The following LHFPL3 variants were observed in gnomAD, a reference collection of about 807,000 sequenced individuals.
LHFPL3 encodes LHFPL tetraspan subfamily member 3 protein.
A neutral mutation model predicts 19.3 loss-of-function variants in LHFPL3; 5 were observed. The observed-to-expected ratio is 0.26, with a 90% CI of 0.14 to 0.54. The LOEUF is 0.54. Ranked by LOEUF, LHFPL3 falls within the 20% of genes least tolerant of loss-of-function variation. The pLI, the probability that LHFPL3 is intolerant of heterozygous loss-of-function variation, is 0.94. For synonymous variants in LHFPL3, 133 were observed against 126.2 expected (o/e 1.05, Z -0.36); for missense variants, 249 against 307.4 (o/e 0.81, Z 1.42).
chr7:104,723,380 C>T (rs1261735482), intron 1 of LHFPL3, among the ~76,000 whole-genome samples: 5 of 152,190 alleles, frequency 3.3e-5, no homozygotes, highest in African/African-American at 1.2e-4. Flanking sequence ...TTCATCACTT[C>T]TCTGCTCACC....
intron 1 of LHFPL3, among the ~76,000 whole-genome samples, chr7:104,707,617 T>G (rs1793216161): frequency 6.6e-6 from 1 of 151,942 alleles, no homozygotes; most frequent in African/African-American, 2.4e-5. Flanking sequence ...ACGTGAGGAG[T>G]TTTAAATAGA....
intron 1 of LHFPL3, among the ~76,000 whole-genome samples, chr7:104,417,874 TCTTCTTCTTC>T (rs1562890974): frequency 2.3e-5 from 3 of 128,868 alleles, no homozygotes; most frequent in African/African-American, 9.2e-5. Flanking sequence ...TTCTTCTTCT[TCTTCTTCTTC>T]TTTTTTTTTT....
intron 2 of LHFPL3, among the ~76,000 whole-genome samples, chr7:104,875,085 C>T (rs887001140): frequency 1.3e-5 from 2 of 151,920 alleles, no homozygotes; most frequent in Non-Finnish European, 2.9e-5. Flanking sequence ...TGGTCTCAAG[C>T]AATCCTCCTA....
chr7:104,361,903 G>A (rs1790395712), intron 1 of LHFPL3, among the ~76,000 whole-genome samples: 1 of 152,158 alleles, frequency 6.6e-6, no homozygotes, highest in African/African-American at 2.4e-5. Context: ...ATTTGATGCT[G>A]CAAGAATAAC....
At position 104,468,677 on chromosome 7, in the gene LHFPL3, G is replaced by A. The variant is rs138040679; in HGVS notation, c.445+139453G>A. On this transcript the variant is annotated intron_variant, in intron 1 of 2. Transcript: ENST00000424859. ...ATAAACCTTTTTTTTTTTTTTTTCC[G>A]AGTTGGAGTCTTGCTCCGTCATCCA... is the stretch of plus-strand genomic sequence containing the variant. 5.3e-3 allele frequency among the ~76,000 whole-genome samples: 647 copies of A among 121,042 alleles called. 1 individual carries two copies. The highest frequency in any genetic ancestry group is 0.018 in the African/African-American group (626 of 34,050). 79.4% of individuals were successfully genotyped at this position (121,042 alleles called of 152,430 possible). A position where few individuals can be genotyped will look rare whatever the true frequency, so the allele number is the denominator to read the frequency against.
intron 2 of LHFPL3, among the ~76,000 whole-genome samples, chr7:104,749,787 G>A (rs965396666): frequency 6.6e-6 from 1 of 152,112 alleles, no homozygotes; most frequent in African/African-American, 2.4e-5. Flanking sequence ...TTTTGTTTTG[G>A]TAGTGGCCAC....
At chr7:104,518,564 A>T (rs1188271750) in intron 1 of LHFPL3, among the ~76,000 whole-genome samples, 1 of 152,148 alleles carries the variant, frequency 6.6e-6, no homozygotes, top group Non-Finnish European at 1.5e-5. Flanking sequence ...CAGGCAGGTC[A>T]CCTGAGGTCA....
intron 1 of LHFPL3, among the ~76,000 whole-genome samples, chr7:104,551,116 TACACAC>T (rs3049711): frequency 0.11 from 16,152 of 150,222 alleles, 1,380 homozygotes; most frequent in African/African-American, 0.24. Flanking sequence ...CATCCTTGTG[TACACAC>T]ACACACACAC....
rs115054837 is a variant in LHFPL3 at position 104,607,229 on chromosome 7, C to T, written c.446-129446C>T. 8.8e-3 allele frequency among the ~76,000 whole-genome samples: 1,347 copies of T among 152,346 alleles called. 21 individuals are homozygous for T. Among genetic ancestry groups the T allele is most frequent in the African/African-American group, 0.031 (1,281 of 41,574 alleles). On this transcript the variant is annotated intron_variant, in intron 1 of 2. Transcript: ENST00000424859. ...TAAACTAAATTCCTCCCAAAATTAG[C>T]TTCGGCCTATGCCCAGGAATGACCA...
At chr7:104,420,612 T>G (rs937484973) in intron 1 of LHFPL3, among the ~76,000 whole-genome samples, 26 of 132,510 alleles carry the variant, frequency 2.0e-4, no homozygotes, top group African/African-American at 6.0e-4. Context: ...CAGGCTGGAG[T>G]GCAGTGGCGC....
At chr7:104,520,480 T>C (rs1316209161) in intron 1 of LHFPL3, among the ~76,000 whole-genome samples, 1 of 145,870 alleles carries the variant, frequency 6.9e-6, no homozygotes, top group Non-Finnish European at 1.5e-5. Context: ...TTAGGGAGGA[T>C]TCCCTCTTTT....
intron 1 of LHFPL3, among the ~76,000 whole-genome samples, chr7:104,641,112 A>G (rs1791824769): frequency 6.6e-6 from 1 of 152,330 alleles, no homozygotes; most frequent in Admixed American, 6.5e-5. Flanking sequence ...GTGTGTGTCA[A>G]CTGTGTTTTG....
chr7:104,813,247 C>T (rs999446196), intron 2 of LHFPL3, among the ~76,000 whole-genome samples: 7 of 149,418 alleles, frequency 4.7e-5, no homozygotes, highest in Admixed American at 1.4e-4. Context: ...CACTGCACTC[C>T]GGCCTGGGAA....
At chr7:104,510,726 C>T (rs896978907) in intron 1 of LHFPL3, among the ~76,000 whole-genome samples, 5 of 152,074 alleles carry the variant, frequency 3.3e-5, no homozygotes, top group African/African-American at 4.8e-5. Context: ...CTGTGAAAGA[C>T]CCTGTTGAGA....
chr7:104,382,486 C>T (rs192230768), intron 1 of LHFPL3, among the ~76,000 whole-genome samples: 40 of 152,226 alleles, frequency 2.6e-4, no homozygotes, highest in Non-Finnish European at 5.1e-4. Context: ...GTCTGGTTAC[C>T]CTCAAGCTTG....
chr7:104,408,777 C>T (rs891041185), intron 1 of LHFPL3, among the ~76,000 whole-genome samples: 3 of 151,860 alleles, frequency 2.0e-5, no homozygotes, highest in African/African-American at 7.3e-5. Flanking sequence ...GAATGAGTAC[C>T]GTGATAGACT....
intron 2 of LHFPL3, among the ~76,000 whole-genome samples, chr7:104,766,813 A>G (rs892812686): frequency 5.3e-5 from 8 of 152,124 alleles, no homozygotes; most frequent in Non-Finnish European, 1.2e-4. Flanking sequence ...GTAATTTCCT[A>G]TTCTCTTAAG....
At chr7:104,822,853 G>T (rs1790702715) in intron 2 of LHFPL3, among the ~76,000 whole-genome samples, 1 of 152,044 alleles carries the variant, frequency 6.6e-6, no homozygotes, top group South Asian at 2.1e-4. Flanking sequence ...AAAAAAGGGG[G>T]CAGTGGGCTG....
chr7:104,483,176 T>C (rs1793169262), intron 1 of LHFPL3, among the ~76,000 whole-genome samples: 1 of 152,226 alleles, frequency 6.6e-6, no homozygotes. Flanking sequence ...CTCCAACTGA[T>C]CGATAAACAG....
Sources: gnomAD v4.1 joint callset for allele counts (sites outside exome capture counted in the v4.1 genomes callset) on GRCh38, gnomAD v4.1.1 for gene constraint, MANE v1.5 for transcripts, NCBI Gene and HGNC (gene_info 2026-07-23, HGNC 2026-07-21) for gene names.